The following ALKAL2 variants were observed in gnomAD, a reference collection of about 807,000 sequenced individuals.
ALKAL2 encodes ALK and LTK ligand 2.
A neutral mutation model predicts 18.5 loss-of-function variants in ALKAL2; 8 were observed. The ratio of observed to expected loss-of-function variants is 0.43; its 90% CI spans 0.25 to 0.78. The LOEUF is 0.78. ALKAL2 is among the 30% of genes least tolerant of loss of function. The pLI is 0.22. For missense variants in ALKAL2, 241 were observed against 211.2 expected (o/e 1.14, Z -0.88); for synonymous variants, 135 against 95.8 (o/e 1.41, Z -2.39).
At position 283,147 on chromosome 2, in the gene ALKAL2, G is replaced by A; in HGVS notation, c.417C>T (p.Thr139=). The change falls in exon 5 of 6, where the codon ACC becomes ACT. Residue 139 remains threonine, a synonymous_variant. Transcript: ENST00000403610. The part of the protein sequence containing the change: ...AYYKRCARLL[T]RLAVSPVCME... ...TGCACACTGGACTGACAGCCAGCCG[G>A]GTAAGAAGCCTGGCGCATCTTTTAT... 1 of 1,613,144 alleles carries A rather than the reference G, an allele frequency of 6.2e-7. No individual in the cohort carries two copies. The highest frequency in any genetic ancestry group is 8.5e-7 in the Non-Finnish European group (1 of 1,179,614).
chr2:280,254 CAT>C (rs1296415704), intron 5 of ALKAL2, 102 bp from the exon 6 acceptor site: 13 of 1,302,488 alleles, frequency 1.0e-5, no homozygotes, highest in Middle Eastern at 1.8e-4. Context: ...TGTTTATAAA[CAT>C]AGGCAGTCTC....
In ALKAL2 at chr2:279,920, T is replaced by C; in HGVS notation, c.*227A>G. ...CAAATGTGGAGCATTCCTTTTGTGT[T>C]TTTTTTTTAAATAAGTGACAGATAA... On this transcript the variant is annotated 3_prime_UTR_variant, in exon 6 of 6. Transcript: ENST00000403610. 2.0e-6 allele frequency: 1 copy of C among 501,944 alleles called. No homozygotes were observed. Among genetic ancestry groups the C allele is most frequent in the Non-Finnish European group, 3.6e-6 (1 of 278,652 alleles). The allele number at this position is 501,944 out of a possible 1,614,324, so 31.1% of individuals were successfully genotyped here.
At chr2:283,025 G>A (rs969163451) in intron 5 of ALKAL2, 86 bp downstream of exon 5, 3 of 1,349,620 alleles carry the variant, frequency 2.2e-6, no homozygotes, top group African/African-American at 1.5e-5. Context: ...AAGAATGAGT[G>A]TTCCTAAACT....
chr2:286,265 C>T, intron 3 of ALKAL2, 25 bp downstream of exon 3: 4 of 1,611,162 alleles, frequency 2.5e-6, no homozygotes, highest in South Asian at 1.1e-5. Context: ...CTCTGGGAGA[C>T]GTGAGGAACG....
chr2:287,443 T>C (rs1279431339), intron 2 of ALKAL2, 140 bp downstream of exon 2: 6 of 634,020 alleles, frequency 9.5e-6, no homozygotes, highest in Non-Finnish European at 1.1e-5. Flanking sequence ...CTATTTTCTT[T>C]TTCTTAAAAA....
Position 286,210 on chromosome 2 carries a change from C to A in ALKAL2, c.308-7G>T, listed in dbSNP as rs533634680. On this transcript the variant is annotated splice_polypyrimidine_tract_variant and splice_region_variant and intron_variant, in intron 3 of 5. Coordinates refer to ENST00000403610, the MANE Select transcript of ALKAL2 (RefSeq NM_001002919.3). ...GGACTAAAATAAAGAGGGCCTGGAA[C>A]ACGGAAGAAGAAACAGATCATGAAG... 1 of 1,613,566 alleles carries A rather than the reference C, an allele frequency of 6.2e-7. No individual in the cohort carries two copies. Among genetic ancestry groups the A allele is most frequent in the South Asian group, 1.1e-5 (1 of 91,048 alleles).
At chr2:282,963 C>G (rs968001881) in intron 5 of ALKAL2, 148 bp downstream of exon 5, 2 of 862,480 alleles carry the variant, frequency 2.3e-6, no homozygotes, top group African/African-American at 3.4e-5. Flanking sequence ...GCTTTCAGCA[C>G]TGTGAGATGA....
At chr2:287,945 A>G in intron 1 of ALKAL2, 53 bp from the exon 2 acceptor site, 3 of 1,006,456 alleles carry the variant, frequency 3.0e-6, no homozygotes, top group East Asian at 5.3e-5. Flanking sequence ...GGGGAGGGGG[A>G]CGGAGCGCGG....
chr2:287,457 A>G (rs1670557626), intron 2 of ALKAL2, 126 bp downstream of exon 2: 4 of 708,426 alleles, frequency 5.6e-6, no homozygotes, highest in South Asian at 5.3e-5. Flanking sequence ...TTAAAAAAAA[A>G]AAAAAAAAAA....
At chr2:287,466 A>ATG in intron 2 of ALKAL2, 117 bp downstream of exon 2, 1 of 703,640 alleles carries the variant, frequency 1.4e-6, no homozygotes, top group Non-Finnish European at 2.0e-6. Flanking sequence ...AAAAAAAAAA[A>ATG]AAAAGGAATC....
chr2:285,275 C>T (rs750969475), intron 4 of ALKAL2, among the ~76,000 whole-genome samples: 9 of 152,326 alleles, frequency 5.9e-5, no homozygotes, highest in Middle Eastern at 3.4e-3. Context: ...AGCACTTATA[C>T]TTCGTGTACA....
chr2:287,968 G>A (rs1228942678), intron 1 of ALKAL2, 45 bp downstream of exon 1: 1 of 1,216,392 alleles, frequency 8.2e-7, no homozygotes, highest in Non-Finnish European at 1.0e-6. Context: ...CGGGGGAGGG[G>A]AGGGGAGGCG....
chr2:280,816 C>G (rs900373517), intron 5 of ALKAL2, among the ~76,000 whole-genome samples: 1 of 152,206 alleles, frequency 6.6e-6, no homozygotes, highest in South Asian at 2.1e-4. Context: ...AGCTTCAGAA[C>G]GCGGCAAATG....
At chr2:283,308 C>T in intron 4 of ALKAL2, 133 bp from the exon 5 acceptor site, 7 of 1,453,996 alleles carry the variant, frequency 4.8e-6, no homozygotes, top group Non-Finnish European at 6.3e-6. Context: ...AATACGGAGT[C>T]TAATCTGCAG....
In ALKAL2 at chr2:287,881, G is replaced by C. The variant is rs1670582017; in HGVS notation, c.-46C>G. On this transcript the variant is annotated 5_prime_UTR_variant, in exon 2 of 6. Transcript: ENST00000403610. ...GCTGGGAGACTCCGACACGCGCCGA[G>C]AGCTGGGCTCGCTGCGAGAGAAGGG... The C allele has an allele frequency of 1.7e-5, 21 of 1,258,838 alleles. No homozygotes were observed. The highest frequency in any genetic ancestry group is 2.1e-5 in the Non-Finnish European group (21 of 1,006,114). The allele number at this position is 1,258,838 out of a possible 1,614,324, so 78.0% of individuals were successfully genotyped here.
At position 280,021 on chromosome 2, in the gene ALKAL2, G is replaced by T; in HGVS notation, c.*126C>A. On this transcript the variant is annotated 3_prime_UTR_variant, in exon 6 of 6. Coordinates refer to ENST00000403610, the MANE Select transcript of ALKAL2 (RefSeq NM_001002919.3). ...ACATACAAAACTCAAAGGACTTATG[G>T]AAGAGTCTGTCTGCAAAAATAAATC... The T allele has an allele frequency of 9.5e-7, 1 of 1,053,024 alleles. No individual in the cohort carries two copies. Among genetic ancestry groups the T allele is most frequent in the Non-Finnish European group, 1.5e-6 (1 of 673,818 alleles). The allele number at this position is 1,053,024 out of a possible 1,614,324, so 65.2% of individuals were successfully genotyped here. A position where few individuals can be genotyped will look rare whatever the true frequency, so the allele number is the denominator to read the frequency against.
intron 4 of ALKAL2, among the ~76,000 whole-genome samples, chr2:283,999 T>G (rs192975783): frequency 6.6e-6 from 1 of 152,314 alleles, no homozygotes; most frequent in Admixed American, 6.5e-5. Flanking sequence ...ATATGGCATA[T>G]ATTGTTAGGG....
intron 4 of ALKAL2, chr2:285,841 A>G: frequency 2.6e-6 from 1 of 387,706 alleles, no homozygotes; most frequent in Non-Finnish European, 4.7e-6. Flanking sequence ...ACACACAAAC[A>G]TGGGCATTGG....
At chr2:282,171 T>A (rs1225110905) in intron 5 of ALKAL2, among the ~76,000 whole-genome samples, 3 of 152,132 alleles carry the variant, frequency 2.0e-5, no homozygotes, top group African/African-American at 7.2e-5. Flanking sequence ...GGTGTTGGGG[T>A]CATGCACACA....
Sources: allele counts gnomAD v4.1 joint callset (sites outside exome capture counted in the v4.1 genomes callset), GRCh38; gene constraint gnomAD v4.1.1; transcripts MANE v1.5; gene names NCBI Gene and HGNC (gene_info 2026-07-23, HGNC 2026-07-21).